Variants in MAP4K4 observed in about 807,000 individuals in gnomAD.
MAP4K4 encodes HPK/GCK-like kinase HGK.
A neutral mutation model predicts 189.6 loss-of-function variants in MAP4K4; 38 were observed. The ratio of observed to expected loss-of-function variants is 0.20; its 90% CI spans 0.15 to 0.26. The LOEUF is 0.26. Ranked by LOEUF, MAP4K4 falls within the 10% of genes least tolerant of loss-of-function variation. The probability of loss-of-function intolerance (pLI) is 1.00; values close to 1 mark genes in which losing one functional copy is unlikely to be tolerated. For missense variants in MAP4K4, 1,054 were observed against 1,726.9 expected, an observed-to-expected ratio of 0.61 and a Z score of 6.91; for synonymous variants, 610 against 624.3, an observed-to-expected ratio of 0.98 and a Z score of 0.34.
intron 29 of MAP4K4, among the ~76,000 whole-genome samples, chr2:101,886,483 T>C (rs902742946): frequency 1.3e-5 from 2 of 152,252 alleles, no homozygotes; most frequent in African/African-American, 4.8e-5. Context: ...GTAGCATTTT[T>C]AGGAAAGTCC....
At chr2:101,794,002 C>G (rs1336766426) in intron 3 of MAP4K4, among the ~76,000 whole-genome samples, 4 of 152,108 alleles carry the variant, frequency 2.6e-5, no homozygotes, top group African/African-American at 9.7e-5. Context: ...ATGTCAAGTT[C>G]TCTTCAAATT....
chr2:101,862,769 A>G (rs1204884822), intron 16 of MAP4K4, among the ~76,000 whole-genome samples: 1 of 152,240 alleles, frequency 6.6e-6, no homozygotes, highest in African/African-American at 2.4e-5. Context: ...TGAAAATCTT[A>G]AACATTTTAG....
At chr2:101,860,677 C>T in intron 15 of MAP4K4, 148 bp from the exon 16 acceptor site, 2 of 634,034 alleles carry the variant, frequency 3.2e-6, no homozygotes, top group Non-Finnish European at 5.3e-6. Context: ...CTTTATGTAC[C>T]TTCTTTTTTC....
At position 101,797,838 on chromosome 2, in the gene MAP4K4, C is replaced by T. The variant is rs926059603; in HGVS notation, c.180+7062C>T. ...TATTACAGCAGTTTTTTTCAACCTT[C>T]CGTTTTTTTGACTGTCTCCTCCCTA... On this transcript the variant is annotated intron_variant, in intron 3 of 32. Coordinates refer to ENST00000324219, the Ensembl canonical transcript of MAP4K4. 5.8e-5 allele frequency among the ~76,000 whole-genome samples: 8 copies of T among 136,976 alleles called. No homozygotes were observed. The East Asian group carries it at 8.8e-4, about 15-fold the overall frequency. The allele number at this position is 136,976 out of a possible 152,430, so 89.9% of individuals were successfully genotyped here.
intron 26 of MAP4K4, among the ~76,000 whole-genome samples, chr2:101,874,839 A>G (rs1242050341): frequency 6.6e-6 from 1 of 152,230 alleles, no homozygotes; most frequent in Non-Finnish European, 1.5e-5. Context: ...GAAGTAGAAG[A>G]TAGAGTGTAA....
intron 2 of MAP4K4, among the ~76,000 whole-genome samples, chr2:101,778,337 G>A (rs916028356): frequency 2.6e-5 from 4 of 152,190 alleles, no homozygotes; most frequent in Admixed American, 6.5e-5. Flanking sequence ...CACAGTGTGC[G>A]GGGTCCCCAC....
intron 2 of MAP4K4, among the ~76,000 whole-genome samples, chr2:101,716,210 G>A (rs931598073): frequency 9.9e-5 from 15 of 152,194 alleles, no homozygotes; most frequent in African/African-American, 2.9e-4. Flanking sequence ...TTGGGAGGCC[G>A]AGGTGGGCGG....
At chr2:101,716,933 CT>C (rs1201357576) in intron 2 of MAP4K4, among the ~76,000 whole-genome samples, 1 of 152,076 alleles carries the variant, frequency 6.6e-6, no homozygotes, top group Non-Finnish European at 1.5e-5. Flanking sequence ...AAACATTCAA[CT>C]TTTGGGGAAT....
intron 3 of MAP4K4, among the ~76,000 whole-genome samples, chr2:101,812,638 C>CT (rs2095500466): frequency 6.6e-6 from 1 of 151,882 alleles, no homozygotes; most frequent in African/African-American, 2.4e-5. Context: ...TTGCTAATGA[C>CT]TTAGAGTATC....
intron 2 of MAP4K4, among the ~76,000 whole-genome samples, chr2:101,740,175 A>ATAAAT (rs2062045794): frequency 2.1e-4 from 12 of 56,184 alleles, no homozygotes; most frequent in African/African-American, 7.7e-4. Flanking sequence ...TTTTTTTGAG[A>ATAAAT]CGGAGTCTCG....
intron 3 of MAP4K4, among the ~76,000 whole-genome samples, chr2:101,809,986 C>T (rs1432176668): frequency 6.6e-6 from 1 of 152,222 alleles, no homozygotes; most frequent in Non-Finnish European, 1.5e-5. Flanking sequence ...ACATGATTTT[C>T]TATGCTGACC....
chr2:101,734,842 G>C (rs142075538), intron 2 of MAP4K4, among the ~76,000 whole-genome samples: 2 of 152,240 alleles, frequency 1.3e-5, no homozygotes, highest in East Asian at 3.9e-4. Flanking sequence ...CCTTAGCCTG[G>C]GGTGATTGTG....
rs556597562 is a variant in MAP4K4 at position 101,790,034 on chromosome 2, A to C, written c.124-686A>C. ...AGAATTTTAAAGAAGTGTATAAAGA[A>C]GTTGGTGGGAGGAGGGAAATAATTT... On this transcript the variant is annotated intron_variant, in intron 2 of 32. Transcript: ENST00000324219. 1.2e-4 allele frequency among the ~76,000 whole-genome samples: 18 copies of C among 152,182 alleles called. 1 individual carries two copies. Among genetic ancestry groups the C allele is most frequent in the Non-Finnish European group, 2.2e-4 (15 of 68,046 alleles).
At chr2:101,779,529 AATATGGTTACTTGTAACTG>A (rs1380611284) in intron 2 of MAP4K4, among the ~76,000 whole-genome samples, 1 of 152,222 alleles carries the variant, frequency 6.6e-6, no homozygotes, top group Non-Finnish European at 1.5e-5. Context: ...CTGTTTTAAT[AATATGGTTACTTGTAACTG>A]ATGATTTTTA....
chr2:101,858,897 TA>T, intron 13 of MAP4K4, 98 bp from the exon 14 acceptor site: 1 of 797,610 alleles, frequency 1.3e-6, no homozygotes, highest in Non-Finnish European at 2.1e-6. Flanking sequence ...GAATTGTCAC[TA>T]AAGGTGATTG....
rs1253307451 is a variant in MAP4K4, at chr2:101,784,280, GTGTGTGTA to G, written c.124-6432_124-6425del. Among the ~76,000 whole-genome samples, 568 of 145,046 alleles carry G rather than the reference GTGTGTGTA, an allele frequency of 3.9e-3. 4 individuals carry two copies. The highest frequency in any genetic ancestry group is 0.015 in the African/African-American group (526 of 35,540). Reference sequence around the variant, plus strand: ...ATGCTCTTCGTGTGTGTGTGTGTGTGTGTGTGTATGTGTGTGTGTGTGTGTGTGTTTTT... The same window carrying G: ...ATGCTCTTCGTGTGTGTGTGTGTGTGTGTGTGTGTGTGTGTGTGTGTTTTT... On this transcript the variant is annotated intron_variant, in intron 2 of 32. Coordinates refer to ENST00000324219, the Ensembl canonical transcript of MAP4K4.
chr2:101,799,201 T>A (rs1354864910), intron 3 of MAP4K4, among the ~76,000 whole-genome samples: 1 of 152,234 alleles, frequency 6.6e-6, no homozygotes, highest in Non-Finnish European at 1.5e-5. Flanking sequence ...TTAAGCATGA[T>A]AAAGCTCAGT....
At chr2:101,773,666 C>T (rs564291686) in intron 2 of MAP4K4, among the ~76,000 whole-genome samples, 2 of 152,234 alleles carry the variant, frequency 1.3e-5, no homozygotes, top group East Asian at 3.9e-4. Flanking sequence ...CCCTGTTGTG[C>T]TGTTAAATAC....
chr2:101,859,767 C>G, exon 15 of MAP4K4: 2 of 1,609,932 alleles, frequency 1.2e-6, no homozygotes, highest in Non-Finnish European at 1.7e-6. Context: ...CCGCAGCACT[C>G]GCAGCAGCCG....
Sources: allele counts gnomAD v4.1 joint callset (sites outside exome capture counted in the v4.1 genomes callset), GRCh38; gene constraint gnomAD v4.1.1; transcripts MANE v1.5; gene names NCBI Gene and HGNC (gene_info 2026-07-23, HGNC 2026-07-21).